Variants in ZFPM2 observed in about 807,000 individuals in gnomAD.
The protein encoded by ZFPM2 is zinc finger protein, FOG family member 2, also known as zinc finger protein ZFPM2.
A neutral mutation model predicts 98.6 loss-of-function variants in ZFPM2; 20 were observed. The observed-to-expected ratio is 0.20, with a 90% CI of 0.14 to 0.29. ZFPM2 has a LOEUF of 0.29. Ranked by LOEUF, ZFPM2 falls within the 10% of genes least tolerant of loss-of-function variation. ZFPM2 has a pLI of 1.00. For missense variants in ZFPM2, 1,310 were observed against 1,388.6 expected (o/e 0.94, Z 0.90); for synonymous variants, 518 against 502.7 (o/e 1.03, Z -0.41).
At chr8:105,460,797 A>G (rs1160850865) in intron 3 of ZFPM2, among the ~76,000 whole-genome samples, 2 of 152,248 alleles carry the variant, frequency 1.3e-5, no homozygotes, top group African/African-American at 4.8e-5. Flanking sequence ...AAAAGAAAAA[A>G]AAAATGCTCC....
At chr8:105,635,559 TG>T (rs895416554) in intron 5 of ZFPM2, among the ~76,000 whole-genome samples, 6 of 152,092 alleles carry the variant, frequency 3.9e-5, no homozygotes, top group African/African-American at 1.4e-4. Flanking sequence ...GGAATACCTG[TG>T]GTATGCTGGT....
intron 5 of ZFPM2, among the ~76,000 whole-genome samples, chr8:105,764,271 C>T (rs1255557226): frequency 1.6e-5 from 2 of 127,240 alleles, no homozygotes; most frequent in Admixed American, 8.5e-5. Flanking sequence ...CTCTCTCTTT[C>T]TCTCTCTCTC....
At chr8:105,676,514 T>C (rs1209400841) in intron 5 of ZFPM2, among the ~76,000 whole-genome samples, 1 of 152,150 alleles carries the variant, frequency 6.6e-6, no homozygotes, top group African/African-American at 2.4e-5. Context: ...AAACAATATA[T>C]AGTATTTGAC....
intron 5 of ZFPM2, among the ~76,000 whole-genome samples, chr8:105,761,650 G>T (rs1314062077): frequency 2.0e-5 from 3 of 151,696 alleles, no homozygotes; most frequent in Non-Finnish European, 1.5e-5. Flanking sequence ...ATGATTTGAC[G>T]CACGGGCTTG....
intron 4 of ZFPM2, among the ~76,000 whole-genome samples, chr8:105,567,849 C>T (rs1017839815): frequency 5.9e-5 from 9 of 152,014 alleles, no homozygotes; most frequent in Admixed American, 4.6e-4. Context: ...CCATATTCTC[C>T]ATCTTTCCCA....
At chr8:105,571,967 C>G (rs1483502347) in intron 4 of ZFPM2, among the ~76,000 whole-genome samples, 1 of 151,766 alleles carries the variant, frequency 6.6e-6, no homozygotes, top group Admixed American at 6.6e-5. Flanking sequence ...CTTTCCAAGC[C>G]ACTGCTATAA....
intron 1 of ZFPM2, among the ~76,000 whole-genome samples, chr8:105,330,540 A>C (rs73697320): frequency 0.29 from 23,119 of 80,030 alleles, 4,441 homozygotes; most frequent in African/African-American, 0.57. Flanking sequence ...CTCTCTCTCT[A>C]TATATATATA....
chr8:105,699,545 A>G (rs1462597457), intron 5 of ZFPM2, among the ~76,000 whole-genome samples: 4 of 152,104 alleles, frequency 2.6e-5, no homozygotes, highest in Non-Finnish European at 5.9e-5. Context: ...TCTTTTGTTA[A>G]GCCTCTATTC....
intron 5 of ZFPM2, among the ~76,000 whole-genome samples, chr8:105,654,229 C>G (rs1251725827): frequency 6.6e-6 from 1 of 151,168 alleles, no homozygotes; most frequent in African/African-American, 2.4e-5. Flanking sequence ...AAAAAAAAAA[C>G]AAATTTGCTG....
intron 4 of ZFPM2, among the ~76,000 whole-genome samples, chr8:105,592,517 T>C: frequency 6.6e-6 from 1 of 152,154 alleles, no homozygotes; most frequent in East Asian, 1.9e-4. Flanking sequence ...AACAGGAAAT[T>C]CTAAGGATAA....
At chr8:105,749,502 A>T (rs1812427940) in intron 5 of ZFPM2, among the ~76,000 whole-genome samples, 1 of 152,062 alleles carries the variant, frequency 6.6e-6, no homozygotes, top group Admixed American at 6.6e-5. Context: ...TTGCTTTGAG[A>T]AGCTGTAGCC....
At chr8:105,415,406 A>G (rs1420447291) in intron 1 of ZFPM2, among the ~76,000 whole-genome samples, 1 of 152,080 alleles carries the variant, frequency 6.6e-6, no homozygotes, top group Non-Finnish European at 1.5e-5. Flanking sequence ...GCTGAAATTC[A>G]GATTTCCTCA....
chr8:105,634,107 T>A (rs760182375), intron 4 of ZFPM2, 139 bp from the exon 5 acceptor site: 22 of 619,750 alleles, frequency 3.5e-5, no homozygotes, highest in Non-Finnish European at 2.3e-5. Flanking sequence ...AAAGATATCA[T>A]GAGACAGGGG....
intron 4 of ZFPM2, among the ~76,000 whole-genome samples, chr8:105,617,271 T>A (rs1291708181): frequency 6.6e-6 from 1 of 152,090 alleles, no homozygotes; most frequent in African/African-American, 2.4e-5. Context: ...TTTTTTCACC[T>A]CTGCACTATT....
At chr8:105,594,559 T>C (rs1275982155) in intron 4 of ZFPM2, among the ~76,000 whole-genome samples, 2 of 152,140 alleles carry the variant, frequency 1.3e-5, no homozygotes, top group African/African-American at 4.8e-5. Flanking sequence ...TAGTGTTTTG[T>C]TGCTTCATAT....
intron 5 of ZFPM2, among the ~76,000 whole-genome samples, chr8:105,726,812 TG>T (rs1183063629): frequency 6.6e-6 from 1 of 151,674 alleles, no homozygotes; most frequent in African/African-American, 2.4e-5. Flanking sequence ...AAGGAGACCG[TG>T]AATTAAGTTT....
At chr8:105,328,892 A>G (rs772461540) in intron 1 of ZFPM2, among the ~76,000 whole-genome samples, 6 of 151,784 alleles carry the variant, frequency 4.0e-5, no homozygotes, top group Non-Finnish European at 8.8e-5. Context: ...CCCACCTCCA[A>G]ATGAAGACTC....
At chr8:105,749,505 C>G (rs1258972857) in intron 5 of ZFPM2, among the ~76,000 whole-genome samples, 1 of 152,028 alleles carries the variant, frequency 6.6e-6, no homozygotes, top group East Asian at 1.9e-4. Context: ...CTTTGAGAAG[C>G]TGTAGCCCCT....
intron 4 of ZFPM2, among the ~76,000 whole-genome samples, chr8:105,588,139 AAAAT>A (rs1193112613): frequency 1.3e-5 from 2 of 152,180 alleles, no homozygotes; most frequent in Non-Finnish European, 2.9e-5. Context: ...TTGAATTTGA[AAAAT>A]AAACCTATCT....
Sources: gnomAD v4.1 joint callset for allele counts (sites outside exome capture counted in the v4.1 genomes callset) on GRCh38, gnomAD v4.1.1 for gene constraint, MANE v1.5 for transcripts, NCBI Gene and HGNC (gene_info 2026-07-23, HGNC 2026-07-21) for gene names.